LAMA3: variants seen among roughly 807,000 people sequenced by gnomAD.
LAMA3 encodes laminin subunit alpha 3.
Under a neutral mutation model 402.0 loss-of-function variants are expected in LAMA3, and 281 were observed. The observed-to-expected ratio is 0.70, with a 90% CI of 0.63 to 0.77. The LOEUF is 0.77. Ranked by LOEUF, LAMA3 falls within the 30% of genes least tolerant of loss-of-function variation. The probability of loss-of-function intolerance (pLI) is 0.00; values close to 1 mark genes in which losing one functional copy is unlikely to be tolerated. For synonymous variants in LAMA3, 1,431 were observed against 1,558.4 expected (o/e 0.92, Z 1.93); for missense variants, 3,840 against 4,215.5 (o/e 0.91, Z 2.47).
At position 23,918,326 on chromosome 18, in the gene LAMA3, T is replaced by C. The variant is rs1172685125; in HGVS notation, c.7923+1631T>C. Among the ~76,000 whole-genome samples, 1 of 152,232 alleles carries C rather than the reference T, an allele frequency of 6.6e-6. No individual in the cohort carries two copies. Among genetic ancestry groups the C allele is most frequent in the African/African-American group, 2.4e-5 (1 of 41,472 alleles). On this transcript the variant is annotated intron_variant, in intron 60 of 74. Transcript: ENST00000313654. The surrounding 1 kb of genome is among the most constrained non-coding windows in gnomAD (Gnocchi z 4.1). ...TGGGAGAAATCTCCCCTTTTCCTGTTCTATTCTCATTATCAGTTTTGTTAT... is the reference window on the plus strand; with the variant it reads ...TGGGAGAAATCTCCCCTTTTCCTGTCCTATTCTCATTATCAGTTTTGTTAT...
chr18:23,943,427 T>A (rs1189132323), intron 68 of LAMA3, among the ~76,000 whole-genome samples: 1 of 152,232 alleles, frequency 6.6e-6, no homozygotes, highest in African/African-American at 2.4e-5. Flanking sequence ...AAGGTTAAGA[T>A]GGCACATTTT....
intron 12 of LAMA3, among the ~76,000 whole-genome samples, chr18:23,808,968 T>A (rs565361568): frequency 1.3e-5 from 2 of 152,320 alleles, no homozygotes; most frequent in South Asian, 4.1e-4. Flanking sequence ...GCAAACAAGG[T>A]TGTATCTTTT....
chr18:23,775,133 T>C (rs1184845060), intron 9 of LAMA3, among the ~76,000 whole-genome samples: 2 of 152,186 alleles, frequency 1.3e-5, no homozygotes, highest in Non-Finnish European at 2.9e-5. Context: ...TGTGACAGTA[T>C]TTTCCCTGTC....
intron 12 of LAMA3, among the ~76,000 whole-genome samples, chr18:23,800,602 C>T (rs1044046183): frequency 6.6e-6 from 1 of 152,030 alleles, no homozygotes; most frequent in African/African-American, 2.4e-5. Flanking sequence ...CCACATTCAC[C>T]CTGCAGTATT....
intron 66 of LAMA3, chr18:23,932,511 G>A (rs1219703023): frequency 1.0e-5 from 5 of 491,238 alleles, no homozygotes; most frequent in Middle Eastern, 5.9e-4. Flanking sequence ...GCGTTAGCAT[G>A]TAACCTTGGA....
At chr18:23,896,592 A>G (rs1041540923) in intron 44 of LAMA3, among the ~76,000 whole-genome samples, 1 of 152,144 alleles carries the variant, frequency 6.6e-6, no homozygotes, top group Non-Finnish European at 1.5e-5. Context: ...CCTAAGAAGT[A>G]ATAGAACCTA....
At chr18:23,786,617 G>C (rs78138672) in intron 12 of LAMA3, among the ~76,000 whole-genome samples, 2,695 of 152,302 alleles carry the variant, frequency 0.018, 33 homozygotes, top group Non-Finnish European at 0.027. Context: ...AAAGAGGGAA[G>C]TGTGACCCAT....
At chr18:23,700,501 C>G (rs1391615871) in intron 1 of LAMA3, among the ~76,000 whole-genome samples, 10 of 152,088 alleles carry the variant, frequency 6.6e-5, no homozygotes, top group Admixed American at 6.5e-4. Flanking sequence ...AGAGTATGGG[C>G]TTTGGAATTA....
rs199639611 is a variant in LAMA3 at position 23,873,028 on chromosome 18, G to A, written c.4998+1367G>A. Reference sequence around the variant, plus strand: ...GGCAGAGGTTCCTGCGCAGCCAGCGGACGTCCAGGAACCGGGATGCCTCCA... The same window carrying A: ...GGCAGAGGTTCCTGCGCAGCCAGCGAACGTCCAGGAACCGGGATGCCTCCA... On this transcript the variant is annotated intron_variant, in intron 38 of 74. Coordinates refer to ENST00000313654, the MANE Select transcript of LAMA3 (RefSeq NM_198129.4). 4,755 of 1,614,136 alleles carry A rather than the reference G, an allele frequency of 2.9e-3. 21 individuals are homozygous for A. Among genetic ancestry groups the A allele is most frequent in the South Asian group, 4.0e-3 (360 of 91,076 alleles).
intron 24 of LAMA3, among the ~76,000 whole-genome samples, chr18:23,835,520 A>G (rs1340550445): frequency 6.6e-6 from 1 of 152,208 alleles, no homozygotes; most frequent in Non-Finnish European, 1.5e-5. Context: ...TCTGAACATG[A>G]CAACACCAAA....
chr18:23,701,161 A>C (rs1424384338), intron 1 of LAMA3, among the ~76,000 whole-genome samples: 1 of 152,220 alleles, frequency 6.6e-6, no homozygotes, highest in Non-Finnish European at 1.5e-5. Context: ...ATAAATCATA[A>C]TGAAGAAATA....
At position 23,857,890 on chromosome 18, in the gene LAMA3, G is replaced by A. The variant is rs776102211; in HGVS notation, c.4183G>A (p.Gly1395Arg). ...TGRQCDRCAS[G>R]FYRFPECVPC... is the part of the protein sequence containing the mutation. ...GCGGCAGTGTGACCGATGTGCTTCCGGGTTTTACCGCTTTCCTGAGTGTGT... is the reference window on the plus strand; with the variant it reads ...GCGGCAGTGTGACCGATGTGCTTCCAGGTTTTACCGCTTTCCTGAGTGTGT... Residue 1395 changes from glycine (G) to arginine (R), a missense_variant, in exon 33 of 75, where the codon GGG becomes AGG. Around this residue, in one of 3 missense-constraint regions of LAMA3, gnomAD observed 2,109 missense variants for 2,376.0 expected, o/e 0.89. Transcript: ENST00000313654. 1.2e-5 allele frequency: 19 copies of A among 1,614,124 alleles called. No individual in the cohort carries two copies. Among genetic ancestry groups the A allele is most frequent in the East Asian group, 4.5e-5 (2 of 44,896 alleles).
At chr18:23,695,797 A>AAAAAAC (rs2060674516) in intron 1 of LAMA3, among the ~76,000 whole-genome samples, 1 of 9,074 alleles carries the variant, frequency 1.1e-4, no homozygotes, top group East Asian at 1.5e-3. Flanking sequence ...ACTCCATCTC[A>AAAAAAC]AAAAAAAAAA....
At chr18:23,947,086 C>G (rs373118500) in intron 70 of LAMA3, among the ~76,000 whole-genome samples, 2 of 152,192 alleles carry the variant, frequency 1.3e-5, no homozygotes, top group African/African-American at 4.8e-5. Flanking sequence ...AAAGTTGGGA[C>G]TCCCTCTGTC....
chr18:23,919,016 C>T (rs2081739833), intron 60 of LAMA3, among the ~76,000 whole-genome samples: 1 of 152,184 alleles, frequency 6.6e-6, no homozygotes, highest in Non-Finnish European at 1.5e-5. Flanking sequence ...ACAAGGTCTT[C>T]TTTGTATATA....
Position 23,945,327 on chromosome 18 carries a change from C to T in LAMA3, c.9211-817C>T, listed in dbSNP as rs112561278. Among the ~76,000 whole-genome samples, 243 of 152,180 alleles carry T rather than the reference C, an allele frequency of 1.6e-3. 1 individual carries two copies. Among genetic ancestry groups the T allele is most frequent in the African/African-American group, 5.2e-3 (216 of 41,534 alleles). On this transcript the variant is annotated intron_variant, in intron 69 of 74. Transcript: ENST00000313654. ...GACGCATGCTGAAGGTAGAACCACG[C>T]GGCCTTGCTGATGGATCACATATAG...
At chr18:23,747,634 A>G (rs1012472056) in intron 2 of LAMA3, among the ~76,000 whole-genome samples, 4 of 152,224 alleles carry the variant, frequency 2.6e-5, no homozygotes, top group African/African-American at 9.7e-5. Flanking sequence ...ACTTTTCTGA[A>G]TGCATAGACT....
In LAMA3 at chr18:23,750,938, C is replaced by T. The variant is rs776149340; in HGVS notation, c.705C>T (p.Asn235=). Residue 235 remains asparagine (N), a synonymous_variant, in exon 5 of 75, where the codon AAC becomes AAT. Transcript: ENST00000313654. ...ENGEVVVSLI[N]GRPGAKNFTF... ...TTTAGGTTGTGGTGTCCTTGATAAA[C>T]GGTCGTCCAGGTGCAAAAAATTTTA... The T allele has an allele frequency of 1.1e-5, 18 of 1,613,928 alleles. No individual in the cohort carries two copies. The highest frequency in any genetic ancestry group is 6.7e-5 in the Admixed American group (4 of 59,992).
At chr18:23,782,229 G>A (rs1337249874) in intron 11 of LAMA3, among the ~76,000 whole-genome samples, 1 of 152,078 alleles carries the variant, frequency 6.6e-6, no homozygotes, top group East Asian at 1.9e-4. Context: ...GGGACCTGTT[G>A]CAAATTTAGA....
Sources: gnomAD v4.1 joint callset for allele counts (sites outside exome capture counted in the v4.1 genomes callset) on GRCh38, gnomAD v4.1.1 for gene constraint, gnomAD v4.1.1 regional missense constraint, Gnocchi (gnomAD v3.1) non-coding constraint, MANE v1.5 for transcripts, NCBI Gene and HGNC (gene_info 2026-07-23, HGNC 2026-07-21) for gene names.